GPHN: variants seen among roughly 807,000 people sequenced by gnomAD.
GPHN encodes the protein gephyrin.
Under a neutral mutation model 95.5 loss-of-function variants are expected in GPHN, and 17 were observed. That is an observed-to-expected ratio of 0.18 (90% CI 0.12 to 0.27). GPHN has a LOEUF of 0.27. Ranked by LOEUF, GPHN falls within the 10% of genes least tolerant of loss-of-function variation. GPHN has a pLI of 1.00. For missense variants in GPHN, 660 were observed against 978.1 expected, an observed-to-expected ratio of 0.67 and a Z score of 4.34; for synonymous variants, 320 against 322.5, an observed-to-expected ratio of 0.99 and a Z score of 0.08.
chr14:66,748,552 T>C (rs556972297), intron 2 of GPHN, among the ~76,000 whole-genome samples: 1 of 152,084 alleles, frequency 6.6e-6, no homozygotes, highest in African/African-American at 2.4e-5. Context: ...TACTTTATAG[T>C]AGGATTCACT....
At chr14:67,597,752 GAAAAGTTTAAAAAAAAA>G in the GPHN span, among the ~76,000 whole-genome samples, 2 of 107,152 alleles carry the variant, frequency 1.9e-5, no homozygotes, top group Admixed American at 1.2e-4. Flanking sequence ...AGTGCCAAAA[GAAAAGTTTAAAAAAAAA>G]AAAGACATTA....
chr14:66,835,671 T>A (rs1485665658), intron 4 of GPHN, among the ~76,000 whole-genome samples: 1 of 152,146 alleles, frequency 6.6e-6, no homozygotes, highest in Non-Finnish European at 1.5e-5. Context: ...TGTCTGCAGA[T>A]GACATGATTG....
intron 2 of GPHN, among the ~76,000 whole-genome samples, chr14:66,712,226 A>G (rs1459108377): frequency 6.6e-6 from 1 of 152,116 alleles, no homozygotes; most frequent in Non-Finnish European, 1.5e-5. Flanking sequence ...AAGCATTACT[A>G]TTTCTCCACA....
chr14:66,561,815 A>G (rs1180434248), intron 1 of GPHN, among the ~76,000 whole-genome samples: 1 of 152,150 alleles, frequency 6.6e-6, no homozygotes, highest in Non-Finnish European at 1.5e-5. Context: ...GAGGTCCAAT[A>G]CAGGTCTCAG....
the GPHN span, chr14:67,203,349 TG>T: frequency 1.4e-6 from 2 of 1,403,260 alleles, no homozygotes. Context: ...ATTAGCCCTG[TG>T]GATCTGAAAA....
intron 10 of GPHN, among the ~76,000 whole-genome samples, chr14:67,036,501 G>GCACACACACACACACACA (rs762967467): frequency 0.028 from 3,344 of 118,024 alleles, 238 homozygotes; most frequent in East Asian, 0.079. Flanking sequence ...ATACATACAT[G>GCACACACACACACACACA]CACACACACA....
chr14:67,590,485 A>G, the GPHN span, among the ~76,000 whole-genome samples: 1 of 152,162 alleles, frequency 6.6e-6, no homozygotes, highest in African/African-American at 2.4e-5. Flanking sequence ...CAGCCTCCCA[A>G]GTAGCTAGGA....
At chr14:66,864,585 C>T (rs1450766011) in intron 4 of GPHN, among the ~76,000 whole-genome samples, 1 of 152,068 alleles carries the variant, frequency 6.6e-6, no homozygotes, top group East Asian at 1.9e-4. Context: ...CCATTCTGGC[C>T]AACATGGTAA....
chr14:66,619,365 T>G (rs984429933), intron 1 of GPHN, among the ~76,000 whole-genome samples: 5 of 152,172 alleles, frequency 3.3e-5, no homozygotes, highest in African/African-American at 1.2e-4. Context: ...TTTCAGATCC[T>G]TACCCACATT....
the GPHN span, among the ~76,000 whole-genome samples, chr14:67,446,297 A>G: frequency 0.38 from 57,080 of 152,062 alleles, 11,124 homozygotes; most frequent in African/African-American, 0.46. Context: ...TCTAAACTCA[A>G]GAAGAGTGCC....
chr14:67,592,721 G>T, the GPHN span: 1 of 1,570,272 alleles, frequency 6.4e-7, no homozygotes. Context: ...ACCTTCTGCT[G>T]TAAGAAAATA....
chr14:66,721,475 A>C (rs1162491522), intron 2 of GPHN, among the ~76,000 whole-genome samples: 4 of 152,186 alleles, frequency 2.6e-5, no homozygotes, highest in Non-Finnish European at 4.4e-5. Context: ...ATCTATATAC[A>C]TATAACCTAA....
At position 66,516,230 on chromosome 14, in the gene GPHN, C is replaced by G. The variant is rs971812492; in HGVS notation, c.64+7639C>G. Among the ~76,000 whole-genome samples the G allele has an allele frequency of 3.3e-5, 5 of 150,224 alleles. No homozygotes were observed. In the Admixed American group the frequency reaches 3.3e-4, roughly 10 times the overall value. Reference sequence around the variant, plus strand: ...ACAGAGTTTTACCATGTTGGCCAGGCTGGTTTTGGACTCCTGACCTCAAGT... The same window carrying G: ...ACAGAGTTTTACCATGTTGGCCAGGGTGGTTTTGGACTCCTGACCTCAAGT... On this transcript the variant is annotated intron_variant, in intron 1 of 22. Transcript: ENST00000478722.
chr14:66,579,300 T>G (rs1385739689), intron 1 of GPHN, among the ~76,000 whole-genome samples: 1 of 151,734 alleles, frequency 6.6e-6, no homozygotes, highest in East Asian at 1.9e-4. Context: ...ACAAAAAATC[T>G]GCAAAGCTAC....
the GPHN span, chr14:67,473,295 G>T: frequency 1.5e-6 from 2 of 1,343,212 alleles, no homozygotes; most frequent in Non-Finnish European, 2.0e-6. The surrounding 1 kb of genome is among the most constrained non-coding windows in gnomAD (Gnocchi z 6.5). Flanking sequence ...GGCTCTGTGT[G>T]CCCTATAGGG....
intron 5 of GPHN, among the ~76,000 whole-genome samples, chr14:66,902,804 G>A (rs763263900): frequency 1.3e-5 from 2 of 151,978 alleles, no homozygotes; most frequent in African/African-American, 2.4e-5. Context: ...CATTGGGGAG[G>A]GTGGCCTGGG....
At chr14:67,458,057 G>C in the GPHN span, among the ~76,000 whole-genome samples, 1 of 152,206 alleles carries the variant, frequency 6.6e-6, no homozygotes. Flanking sequence ...ATTGAAGGTG[G>C]AGCTGGCCAA....
intron 1 of GPHN, among the ~76,000 whole-genome samples, chr14:66,521,825 A>C (rs2058495955): frequency 6.6e-6 from 1 of 152,162 alleles, no homozygotes; most frequent in African/African-American, 2.4e-5. Context: ...AGACCACAGC[A>C]GAGGGAACAA....
chr14:66,676,951 A>G (rs1180444754), intron 1 of GPHN, among the ~76,000 whole-genome samples: 1 of 151,944 alleles, frequency 6.6e-6, no homozygotes, highest in Non-Finnish European at 1.5e-5. Context: ...TTTTATTGCC[A>G]GTTTAATCTC....
Sources: gnomAD v4.1 joint callset for allele counts (sites outside exome capture counted in the v4.1 genomes callset) on GRCh38, gnomAD v4.1.1 for gene constraint, Gnocchi (gnomAD v3.1) non-coding constraint, MANE v1.5 for transcripts, NCBI Gene and HGNC (gene_info 2026-07-23, HGNC 2026-07-21) for gene names.